Variants in GC observed in about 807,000 individuals in gnomAD.
GC encodes the protein GC vitamin D binding protein.
Under a neutral mutation model 56.7 loss-of-function variants are expected in GC, and 43 were observed. That is an observed-to-expected ratio of 0.76 (90% CI 0.59 to 0.98). The LOEUF is 0.98. GC is among the 50% of genes least tolerant of loss of function. The pLI is 0.00. For synonymous variants in GC, 216 were observed against 202.7 expected (o/e 1.07, Z -0.56); for missense variants, 529 against 545.9 (o/e 0.97, Z 0.31).
At chr4:71,792,301 A>G (rs1330862553) in intron 1 of GC, among the ~76,000 whole-genome samples, 6 of 152,120 alleles carry the variant, frequency 3.9e-5, no homozygotes, top group Non-Finnish European at 8.8e-5. Flanking sequence ...AAGCATTCCT[A>G]TTTCTCCACA....
At chr4:71,745,139 T>C (rs551603151) in intron 12 of GC, among the ~76,000 whole-genome samples, 4 of 152,230 alleles carry the variant, frequency 2.6e-5, no homozygotes, top group African/African-American at 9.6e-5. Flanking sequence ...GTAACAACAC[T>C]GTGAGGGAGA....
At chr4:71,780,908 T>C (rs565486574) in intron 1 of GC, among the ~76,000 whole-genome samples, 35 of 152,238 alleles carry the variant, frequency 2.3e-4, no homozygotes, top group African/African-American at 7.9e-4. Context: ...GGATTTTAAA[T>C]CATGCTGCTA....
upstream of GC, among the ~76,000 whole-genome samples, chr4:71,788,873 T>A (rs957728395): frequency 2.0e-5 from 3 of 151,918 alleles, no homozygotes; most frequent in Admixed American, 2.0e-4. Flanking sequence ...AAATATATAG[T>A]CATAACTAGT....
At chr4:71,801,223 GGAGTCT>G (rs1743240663) in intron 1 of GC, among the ~76,000 whole-genome samples, 1 of 152,146 alleles carries the variant, frequency 6.6e-6, no homozygotes, top group Admixed American at 6.5e-5. Context: ...GGCACATGGA[GGAGTCT>G]GACCTCATTA....
intron 1 of GC, among the ~76,000 whole-genome samples, chr4:71,799,106 T>C (rs569871752): frequency 6.6e-6 from 1 of 152,286 alleles, no homozygotes; most frequent in South Asian, 2.1e-4. Flanking sequence ...GGACTTATTC[T>C]ATAGTGAAAT....
intron 1 of GC, among the ~76,000 whole-genome samples, chr4:71,773,462 A>G (rs758652723): frequency 6.6e-6 from 1 of 152,050 alleles, no homozygotes; most frequent in Non-Finnish European, 1.5e-5. Context: ...TTTGAGGCTT[A>G]CTTTGTGCCA....
chr4:71,748,763 T>C (rs1437459266), intron 11 of GC, among the ~76,000 whole-genome samples: 1 of 152,130 alleles, frequency 6.6e-6, no homozygotes, highest in Non-Finnish European at 1.5e-5. Flanking sequence ...TAGGGGTAGA[T>C]ACCCATGTAA....
At chr4:71,776,996 A>G (rs1024373717) in intron 1 of GC, among the ~76,000 whole-genome samples, 2 of 151,946 alleles carry the variant, frequency 1.3e-5, no homozygotes, top group African/African-American at 2.4e-5. Flanking sequence ...AGCCATTTAA[A>G]TGCATTTGAA....
At chr4:71,777,319 G>T (rs1187090505) in intron 1 of GC, among the ~76,000 whole-genome samples, 1 of 151,702 alleles carries the variant, frequency 6.6e-6, no homozygotes, top group African/African-American at 2.4e-5. Context: ...TAACCATTGT[G>T]ATATACATTG....
chr4:71,784,100 CT>C, upstream of GC: 1 of 1,534,760 alleles, frequency 6.5e-7, no homozygotes, highest in Non-Finnish European at 8.7e-7. Context: ...AATTGGTTTC[CT>C]TTTTACAAAG....
intron 1 of GC, among the ~76,000 whole-genome samples, chr4:71,793,778 T>C (rs1320525152): frequency 2.0e-5 from 3 of 152,160 alleles, no homozygotes; most frequent in African/African-American, 4.8e-5. Context: ...TTCAGTATGA[T>C]ATTGGCTGTG....
Position 71,749,769 on chromosome 4 carries a change from A to C in GC, c.1395+2749T>G, listed in dbSNP as rs566494609. On this transcript the variant is annotated intron_variant, in intron 11 of 12. Transcript: ENST00000273951. The stretch of plus-strand genomic sequence containing the variant: ...TGTTTTTATGTTGAGAATCTTAAGT[A>C]GTTTGAATTTTAATGAAAGATTAAG... 4.6e-5 allele frequency among the ~76,000 whole-genome samples: 7 copies of C among 152,350 alleles called. No individual in the cohort carries two copies. In the South Asian group the frequency reaches 1.4e-3, roughly 32 times the overall value.
intron 1 of GC, among the ~76,000 whole-genome samples, chr4:71,778,199 T>C (rs901533468): frequency 6.6e-6 from 1 of 151,908 alleles, no homozygotes; most frequent in Non-Finnish European, 1.5e-5. Context: ...TTCTCTAAGA[T>C]GAAAAACACA....
intron 1 of GC, among the ~76,000 whole-genome samples, chr4:71,773,764 C>G (rs1485690420): frequency 6.6e-6 from 1 of 151,966 alleles, no homozygotes. Context: ...TTGCTGTTTT[C>G]CTATTGTGTT....
At chr4:71,752,281 T>C (rs1741581003) in intron 11 of GC, among the ~76,000 whole-genome samples, 1 of 152,206 alleles carries the variant, frequency 6.6e-6, no homozygotes. Context: ...CTTTTGTTTC[T>C]TAAAAAAAGT....
chr4:71,797,413 C>T (rs546517426), intron 1 of GC, among the ~76,000 whole-genome samples: 59 of 152,240 alleles, frequency 3.9e-4, no homozygotes, highest in African/African-American at 1.2e-3. Flanking sequence ...CCCCTCCTCC[C>T]GCTCAGCTGC....
intron 1 of GC, among the ~76,000 whole-genome samples, chr4:71,795,422 T>C (rs569032260): frequency 1.3e-5 from 2 of 152,348 alleles, no homozygotes; most frequent in South Asian, 4.1e-4. Flanking sequence ...ATGGCCTTGT[T>C]TGTCTCTTTG....
chr4:71,795,800 G>T (rs1743086846), intron 1 of GC, among the ~76,000 whole-genome samples: 1 of 152,176 alleles, frequency 6.6e-6, no homozygotes, highest in Admixed American at 6.5e-5. Context: ...GGAACCAGTT[G>T]TTCCTTTCCA....
chr4:71,760,428 GA>G (rs1341579668), intron 6 of GC, among the ~76,000 whole-genome samples: 3 of 152,002 alleles, frequency 2.0e-5, no homozygotes, highest in South Asian at 4.1e-4. Context: ...ATCATTAGAG[GA>G]AAAAAACTTG....
Sources: allele counts gnomAD v4.1 joint callset (sites outside exome capture counted in the v4.1 genomes callset), GRCh38; gene constraint gnomAD v4.1.1; transcripts MANE v1.5; gene names NCBI Gene and HGNC (gene_info 2026-07-23, HGNC 2026-07-21).